RAB6A: variants seen among roughly 807,000 people sequenced by gnomAD.
The protein encoded by RAB6A is RAB6A, member RAS oncogene family.
A neutral mutation model predicts 32.3 loss-of-function variants in RAB6A; 8 were observed. The ratio of observed to expected loss-of-function variants is 0.25; its 90% confidence interval spans 0.15 to 0.45. RAB6A has a LOEUF of 0.45. Among genes scored for constraint, RAB6A ranks in the 20% least tolerant of loss-of-function variants. The probability of loss-of-function intolerance (pLI) is 1.00; values close to 1 mark genes in which losing one functional copy is unlikely to be tolerated. For synonymous variants in RAB6A, 73 were observed against 82.1 expected (o/e 0.89, Z 0.60); for missense variants, 104 against 249.4 (o/e 0.42, Z 3.93).
At chr11:73,730,906 T>C in intron 1 of RAB6A, 83 bp from the exon 2 acceptor site, 2 of 942,996 alleles carry the variant, frequency 2.1e-6, no homozygotes, top group Non-Finnish European at 3.3e-6. Context: ...GAACTGCAAT[T>C]AAAGTCAATG....
intron 6 of RAB6A, among the ~76,000 whole-genome samples, chr11:73,693,185 G>T (rs1945602871): frequency 6.6e-6 from 1 of 151,956 alleles, no homozygotes; most frequent in South Asian, 2.1e-4. Flanking sequence ...CTACTCAGTA[G>T]GCTCAAGCAG....
intron 6 of RAB6A, among the ~76,000 whole-genome samples, chr11:73,702,606 C>T (rs1283837260): frequency 6.6e-6 from 1 of 152,124 alleles, no homozygotes; most frequent in South Asian, 2.1e-4. Flanking sequence ...AAACTTGTCT[C>T]AATAAATTAC....
chr11:73,753,861 A>C (rs1406483903), intron 1 of RAB6A, among the ~76,000 whole-genome samples: 1 of 152,196 alleles, frequency 6.6e-6, no homozygotes, highest in East Asian at 1.9e-4. Context: ...ATATTGTATT[A>C]AGTATTGTGT....
intron 6 of RAB6A, among the ~76,000 whole-genome samples, chr11:73,694,352 CT>C (rs1344408342): frequency 6.6e-6 from 1 of 152,134 alleles, no homozygotes; most frequent in Admixed American, 6.5e-5. Flanking sequence ...AAATCTAAGG[CT>C]AAAGAATTTG....
intron 3 of RAB6A, among the ~76,000 whole-genome samples, chr11:73,720,517 C>T (rs1001215244): frequency 1.1e-4 from 17 of 152,096 alleles, no homozygotes; most frequent in Admixed American, 1.1e-3. Context: ...CTTTGATACG[C>T]ATCCTATCCT....
intron 5 of RAB6A, among the ~76,000 whole-genome samples, chr11:73,711,767 CTTATAGCCTTGCTATCAGA>C (rs1382071178): frequency 6.6e-6 from 1 of 152,166 alleles, no homozygotes; most frequent in Non-Finnish European, 1.5e-5. Context: ...AACTGTTTTC[CTTATAGCCTTGCTATCAGA>C]AGATTTCAAC....
At chr11:73,723,397 C>T (rs1946171679) in intron 2 of RAB6A, among the ~76,000 whole-genome samples, 1 of 152,008 alleles carries the variant, frequency 6.6e-6, no homozygotes, top group African/African-American at 2.4e-5. Context: ...GTGATCTTGG[C>T]TCACTGCAAC....
chr11:73,754,803 C>G (rs552427613), intron 1 of RAB6A, among the ~76,000 whole-genome samples: 1 of 152,036 alleles, frequency 6.6e-6, no homozygotes, highest in Non-Finnish European at 1.5e-5. Flanking sequence ...ACCTGTGGTC[C>G]CAGCTATTCA....
intron 2 of RAB6A, among the ~76,000 whole-genome samples, chr11:73,724,879 T>A (rs187424989): frequency 1.3e-5 from 2 of 152,154 alleles, no homozygotes; most frequent in African/African-American, 4.8e-5. Flanking sequence ...AGAAGTTCCA[T>A]GAGAGTAAGG....
chr11:73,751,929 C>T (rs1045704845), intron 1 of RAB6A, among the ~76,000 whole-genome samples: 1 of 152,088 alleles, frequency 6.6e-6, no homozygotes, highest in Non-Finnish European at 1.5e-5. Context: ...CAAACCCACA[C>T]AAGAGCATAA....
chr11:73,745,898 G>A (rs1774017820), intron 1 of RAB6A, among the ~76,000 whole-genome samples: 1 of 152,010 alleles, frequency 6.6e-6, no homozygotes, highest in African/African-American at 2.4e-5. Flanking sequence ...TACTCAGCAG[G>A]CTGAGGCACA....
At position 73,719,443 on chromosome 11, in the gene RAB6A, C is replaced by T. The variant is rs148834946; in HGVS notation, c.184-725G>A. 2.4e-3 allele frequency among the ~76,000 whole-genome samples: 369 copies of T among 152,246 alleles called. 5 individuals carry two copies. The highest frequency in any genetic ancestry group is 8.6e-3 in the African/African-American group (357 of 41,556). ...TTTCCCCAGAACATGCGAGTGTGTG[C>T]GCGCACGCATGCACGCGTGTGTGTG... On this transcript the variant is annotated intron_variant, in intron 3 of 7. Transcript: ENST00000336083.
chr11:73,739,263 TAAAAAAAAAAAA>T (rs58629008), intron 1 of RAB6A, among the ~76,000 whole-genome samples: 1 of 9,378 alleles, frequency 1.1e-4, no homozygotes, highest in Non-Finnish European at 1.9e-4. Context: ...TAATAATAAT[TAAAAAAAAAAAA>T]AAAAAAAAAA....
chr11:73,713,704 T>C (rs928663977), intron 5 of RAB6A, among the ~76,000 whole-genome samples: 1 of 152,220 alleles, frequency 6.6e-6, no homozygotes. Flanking sequence ...GTCATGCTTA[T>C]AAAAGCCCAA....
intron 6 of RAB6A, among the ~76,000 whole-genome samples, chr11:73,706,644 T>A (rs1945850544): frequency 1.3e-5 from 2 of 152,120 alleles, no homozygotes; most frequent in East Asian, 3.8e-4. Flanking sequence ...GGCTTGATAA[T>A]GTGACATCTC....
chr11:73,737,747 C>A (rs1324086125), intron 1 of RAB6A, among the ~76,000 whole-genome samples: 5 of 152,192 alleles, frequency 3.3e-5, no homozygotes, highest in South Asian at 2.1e-4. Flanking sequence ...GTAATCCCAG[C>A]ACTTTGGGAG....
At position 73,713,730 on chromosome 11, in the gene RAB6A, TA is replaced by T. The variant is rs1946003958; in HGVS notation, c.401+2520del. 2.6e-5 allele frequency among the ~76,000 whole-genome samples: 4 copies of T among 152,266 alleles called. No homozygotes were observed. The South Asian group carries it at 6.2e-4, about 24-fold the overall frequency. On this transcript the variant is annotated intron_variant, in intron 5 of 7. Transcript: ENST00000336083. ...AAAAGCCCAAAATATAAAGATGCTT[TA>T]AAAAATTAAGTCTTTTACCCATTTG... is the stretch of plus-strand genomic sequence containing the variant.
chr11:73,746,518 C>A (rs898871088), intron 1 of RAB6A, among the ~76,000 whole-genome samples: 4 of 151,944 alleles, frequency 2.6e-5, no homozygotes, highest in African/African-American at 7.3e-5. Context: ...TTAAAAAAAA[C>A]CAGCACTTTG....
intron 1 of RAB6A, among the ~76,000 whole-genome samples, chr11:73,739,284 A>AAAAAAAATAT (rs1208877325): frequency 3.0e-4 from 2 of 6,758 alleles, no homozygotes; most frequent in Non-Finnish European, 3.4e-4. Flanking sequence ...AAAAAAAAAA[A>AAAAAAAATAT]ATATATATAT....
Sources: gnomAD v4.1 joint callset for allele counts (sites outside exome capture counted in the v4.1 genomes callset) on GRCh38, gnomAD v4.1.1 for gene constraint, MANE v1.5 for transcripts, NCBI Gene and HGNC (gene_info 2026-07-23, HGNC 2026-07-21) for gene names.